Variants in MAP3K19 observed in about 807,000 individuals in gnomAD.
MAP3K19 encodes the protein mitogen-activated protein kinase kinase kinase 19.
In MAP3K19, 91 loss-of-function variants were observed where a neutral mutation model predicts 114.4. The observed-to-expected ratio is 0.80, with a 90% CI of 0.67 to 0.95. MAP3K19 has a LOEUF of 0.95. Among genes scored for constraint, MAP3K19 ranks in the 40% least tolerant of loss-of-function variants. The pLI, the probability that MAP3K19 is intolerant of heterozygous loss-of-function variation, is 0.00. For missense variants in MAP3K19, 1,471 were observed against 1,573.2 expected (o/e 0.94, Z 1.10); for synonymous variants, 518 against 530.5 (o/e 0.98, Z 0.32).
intron 2 of MAP3K19, among the ~76,000 whole-genome samples, chr2:135,032,392 G>C (rs961622955): frequency 2.7e-5 from 4 of 146,248 alleles, no homozygotes; most frequent in East Asian, 2.0e-4. Flanking sequence ...AAGAAAAACA[G>C]TCTGTCAGTT....
At chr2:134,979,504 T>A (rs925668665) in intron 12 of MAP3K19, among the ~76,000 whole-genome samples, 4 of 151,546 alleles carry the variant, frequency 2.6e-5, no homozygotes, top group African/African-American at 9.7e-5. Context: ...AAAATGAGAA[T>A]AACAAGTGGT....
intron 9 of MAP3K19, among the ~76,000 whole-genome samples, chr2:134,990,993 A>T (rs553760019): frequency 6.6e-6 from 1 of 152,044 alleles, no homozygotes; most frequent in Non-Finnish European, 1.5e-5. Flanking sequence ...CAGGAGTTCA[A>T]GACCAACGTG....
At chr2:134,992,826 T>A (rs190852310) in intron 8 of MAP3K19, among the ~76,000 whole-genome samples, 1,565 of 152,104 alleles carry the variant, frequency 0.01, 30 homozygotes, top group African/African-American at 0.036. Context: ...CCTGCCATCA[T>A]GCCCGGCTAA....
At position 134,986,592 on chromosome 2, in the gene MAP3K19, A is replaced by G. The variant is rs958735398; in HGVS notation, c.2280T>C (p.Asp760=). Residue 760 remains aspartate (D), a synonymous_variant, in exon 10 of 13, where the codon GAT becomes GAC. Transcript: ENST00000392915. ...TCTGCCAGTCTGGTTCTGAAATACC[A>G]TCACCATTTTCAATGTCATGTAGGT... ...HSNLHDIENG[D]GISEPDWQIK... The G allele has an allele frequency of 1.2e-6, 2 of 1,614,212 alleles. No individual in the cohort carries two copies. Among genetic ancestry groups the G allele is most frequent in the African/African-American group, 2.7e-5 (2 of 75,066 alleles).
chr2:135,025,461 C>T (rs539912195), intron 3 of MAP3K19, among the ~76,000 whole-genome samples: 1 of 144,596 alleles, frequency 6.9e-6, no homozygotes, highest in Non-Finnish European at 1.5e-5. Flanking sequence ...TCTCGGCTCA[C>T]TGCAAGCTCT....
Position 135,024,742 on chromosome 2 carries a change from C to T in MAP3K19, c.-94-1G>A. Reference sequence around the variant, plus strand: ...ACTAAAATCACAAAGTTTAGGATCTCTAGGAAGAACAGAATCAACATTAAA... The same window carrying T: ...ACTAAAATCACAAAGTTTAGGATCTTTAGGAAGAACAGAATCAACATTAAA... On this transcript the variant is annotated splice_acceptor_variant, in intron 3 of 12. Coordinates refer to ENST00000392915, the MANE Select transcript of MAP3K19 (RefSeq NM_025052.5). LOFTEE classifies it low-confidence loss of function (5UTR_SPLICE). 2.9e-6 allele frequency: 3 copies of T among 1,046,930 alleles called. No homozygotes were observed. The highest frequency in any genetic ancestry group is 4.4e-6 in the Non-Finnish European group (3 of 685,288). 64.9% of individuals were successfully genotyped at this position (1,046,930 alleles called of 1,614,324 possible). A position where few individuals can be genotyped will look rare whatever the true frequency, so the allele number is the denominator to read the frequency against.
At position 134,985,929 on chromosome 2, in the gene MAP3K19, A is replaced by G; in HGVS notation, c.2943T>C (p.Asp981=). 1 of 1,614,128 alleles carries G rather than the reference A, an allele frequency of 6.2e-7. No homozygotes were observed. Among genetic ancestry groups the G allele is most frequent in the Non-Finnish European group, 8.5e-7 (1 of 1,179,986 alleles). The change falls in exon 10 of 13, where the codon GAT becomes GAC. Residue 981 remains aspartate, a synonymous_variant. Coordinates refer to ENST00000392915, the MANE Select transcript of MAP3K19 (RefSeq NM_025052.5). ...GCLAAELLAL[D]EKDNNSCQKM... ...TTTGGCAAGAGTTGTTATCTTTCTC[A>G]TCAAGAGCTAATAATTCTGCAGCTA...
chr2:134,967,597 GA>G (rs1335090126), intron 12 of MAP3K19, among the ~76,000 whole-genome samples: 27 of 152,234 alleles, frequency 1.8e-4, no homozygotes, highest in Non-Finnish European at 2.8e-4. Context: ...CTTGCTTAGA[GA>G]CACGTCCAGT....
At chr2:134,982,144 G>GTC (rs1376627231) in intron 11 of MAP3K19, among the ~76,000 whole-genome samples, 2 of 126,330 alleles carry the variant, frequency 1.6e-5, no homozygotes, top group Non-Finnish European at 3.2e-5. Context: ...TGGAGACAGA[G>GTC]TCTCTCTCTG....
chr2:135,024,025 T>A (rs568359190), intron 4 of MAP3K19, among the ~76,000 whole-genome samples: 123 of 152,316 alleles, frequency 8.1e-4, no homozygotes, highest in African/African-American at 2.7e-3. Context: ...AGTTTCTTGT[T>A]TGCCCCTGGG....
chr2:134,966,816 G>T (rs1394800954), intron 12 of MAP3K19, among the ~76,000 whole-genome samples: 1 of 152,138 alleles, frequency 6.6e-6, no homozygotes, highest in African/African-American at 2.4e-5. Context: ...GAGCCTCCAT[G>T]GTGCACCACG....
At chr2:134,975,239 T>C (rs1684154530) in intron 12 of MAP3K19, among the ~76,000 whole-genome samples, 1 of 152,134 alleles carries the variant, frequency 6.6e-6, no homozygotes, top group Non-Finnish European at 1.5e-5. Context: ...GGATAGGTCC[T>C]TAGACTCCTG....
At chr2:135,024,279 C>CTTT (rs539375676) in intron 4 of MAP3K19, among the ~76,000 whole-genome samples, 7 of 152,290 alleles carry the variant, frequency 4.6e-5, no homozygotes, top group South Asian at 2.1e-4. Context: ...GTTTCTTTGT[C>CTTT]TTTGTTTGGA....
In MAP3K19 at chr2:134,980,846, C is replaced by T. The variant is rs1684584492; in HGVS notation, c.3895G>A (p.Asp1299Asn). Residue 1299 changes from aspartate (D) to asparagine (N), a missense_variant, in exon 12 of 13, where the codon GAC becomes AAC. Asp to Asn is a conservative substitution (Grantham distance 23). Transcript: ENST00000392915. Reference sequence around the variant, plus strand: ...CTGGTCAGGCACATGCGCACAAAGTCTGCTGCATTTTCTGAGAAGTGGTCT... The same window carrying T: ...CTGGTCAGGCACATGCGCACAAAGTTTGCTGCATTTTCTGAGAAGTGGTCT... Reference protein sequence around the residue: ...LPDHFSENAADFVRMCLTRDQ... With the variant: ...LPDHFSENAANFVRMCLTRDQ... The T allele has an allele frequency of 6.2e-7, 1 of 1,614,054 alleles. No individual in the cohort carries two copies. The highest frequency in any genetic ancestry group is 8.5e-7 in the Non-Finnish European group (1 of 1,179,878).
At chr2:134,994,483 G>C (rs1336825777) in intron 8 of MAP3K19, among the ~76,000 whole-genome samples, 1 of 152,202 alleles carries the variant, frequency 6.6e-6, no homozygotes, top group Non-Finnish European at 1.5e-5. Flanking sequence ...TGGAGGGCTT[G>C]AAACAAAGAT....
At chr2:135,018,694 G>A (rs1188128634) in intron 5 of MAP3K19, among the ~76,000 whole-genome samples, 1 of 152,076 alleles carries the variant, frequency 6.6e-6, no homozygotes, top group African/African-American at 2.4e-5. Context: ...AGATGTGAAA[G>A]TAAATCAGTG....
chr2:135,018,487 C>G (rs959652702), intron 5 of MAP3K19, among the ~76,000 whole-genome samples: 1 of 152,020 alleles, frequency 6.6e-6, no homozygotes, highest in Non-Finnish European at 1.5e-5. Flanking sequence ...CAGGTATACA[C>G]CACCATGCCC....
intron 4 of MAP3K19, chr2:135,023,582 A>G: frequency 1.9e-6 from 1 of 526,534 alleles, no homozygotes; most frequent in South Asian, 1.4e-5. Flanking sequence ...AAATTTAGTC[A>G]TCTTTGACTC....
chr2:134,986,211 TA>T lies in MAP3K19; in HGVS notation c.2660del (p.Leu887Ter). ...CACTATCAAACTCTAGATCATTAGT[TA>T]AAATTCGGCTGGCATTTACTTTACT... ...SLSKVNASRI[L>X]TNDLEFDSVS... On this transcript the variant is annotated frameshift_variant, in exon 10 of 13. Coordinates refer to ENST00000392915, the MANE Select transcript of MAP3K19 (RefSeq NM_025052.5). LOFTEE classifies it high-confidence loss of function. 6.2e-7 allele frequency: 1 copy of T among 1,613,916 alleles called. No individual in the cohort carries two copies. Among genetic ancestry groups the T allele is most frequent in the Non-Finnish European group, 8.5e-7 (1 of 1,179,944 alleles).
Sources: allele counts gnomAD v4.1 joint callset (sites outside exome capture counted in the v4.1 genomes callset), GRCh38; gene constraint gnomAD v4.1.1; transcripts MANE v1.5; gene names NCBI Gene and HGNC (gene_info 2026-07-23, HGNC 2026-07-21).